STX18: variants seen among roughly 807,000 people sequenced by gnomAD.
STX18 encodes syntaxin 18.
Under a neutral mutation model 50.1 loss-of-function variants are expected in STX18, and 40 were observed. That is an observed-to-expected ratio of 0.80 (90% CI 0.62 to 1.04). The LOEUF (loss-of-function observed/expected upper bound fraction) is 1.04. Ranked by LOEUF, STX18 falls within the 50% of genes least tolerant of loss-of-function variation. STX18 has a pLI of 0.00. For synonymous variants in STX18, 158 were observed against 151.8 expected, an observed-to-expected ratio of 1.04 and a Z score of -0.30; for missense variants, 410 against 415.8, an observed-to-expected ratio of 0.99 and a Z score of 0.12.
At chr4:4,534,722 A>C (rs952357717) in intron 1 of STX18, among the ~76,000 whole-genome samples, 2 of 152,268 alleles carry the variant, frequency 1.3e-5, no homozygotes, top group African/African-American at 2.4e-5. Flanking sequence ...CAACGCTCTC[A>C]TCTAAGAGTT....
At chr4:4,500,416 A>G (rs1328827695) in intron 1 of STX18, among the ~76,000 whole-genome samples, 2 of 152,186 alleles carry the variant, frequency 1.3e-5, no homozygotes, top group African/African-American at 2.4e-5. Flanking sequence ...AAAACAGTAT[A>G]ACAACTATTT....
chr4:4,464,014 G>T (rs900580860), intron 2 of STX18, among the ~76,000 whole-genome samples: 5 of 151,824 alleles, frequency 3.3e-5, no homozygotes, highest in African/African-American at 9.7e-5. Context: ...TTCCATTTTT[G>T]CATATATTGA....
intron 1 of STX18, among the ~76,000 whole-genome samples, chr4:4,535,536 TA>T (rs1157585506): frequency 1.3e-5 from 2 of 152,154 alleles, no homozygotes; most frequent in Non-Finnish European, 2.9e-5. Context: ...GGTTGGTTCC[TA>T]GGGGTTCCTC....
intron 1 of STX18, among the ~76,000 whole-genome samples, chr4:4,522,386 T>A (rs1730548062): frequency 6.6e-6 from 1 of 152,204 alleles, no homozygotes; most frequent in African/African-American, 2.4e-5. Flanking sequence ...AAATCAGATT[T>A]AAGCTTCGTG....
intron 1 of STX18, among the ~76,000 whole-genome samples, chr4:4,490,222 C>T (rs1321214025): frequency 2.0e-5 from 3 of 152,170 alleles, no homozygotes; most frequent in Non-Finnish European, 4.4e-5. Context: ...GAAAGCTCTA[C>T]AGCATTAGTC....
intron 1 of STX18, among the ~76,000 whole-genome samples, chr4:4,505,442 T>C (rs1729655722): frequency 6.6e-6 from 1 of 152,070 alleles, no homozygotes; most frequent in Admixed American, 6.5e-5. Flanking sequence ...AGAGGGAGTG[T>C]CATACCGCAC....
intron 1 of STX18, among the ~76,000 whole-genome samples, chr4:4,539,649 A>G (rs572567336): frequency 5.9e-5 from 9 of 152,346 alleles, no homozygotes; most frequent in African/African-American, 2.2e-4. Context: ...TGCAAGTTGC[A>G]TTGTCATGCG....
At chr4:4,515,327 A>G (rs1730201463) in intron 1 of STX18, among the ~76,000 whole-genome samples, 1 of 152,178 alleles carries the variant, frequency 6.6e-6, no homozygotes, top group South Asian at 2.1e-4. Flanking sequence ...AATAATGGAA[A>G]AAAAGAACTT....
intron 2 of STX18, among the ~76,000 whole-genome samples, chr4:4,467,258 G>A (rs1337218590): frequency 2.0e-5 from 3 of 152,134 alleles, no homozygotes; most frequent in African/African-American, 7.2e-5. Flanking sequence ...AGCAAGAAGG[G>A]CGTTTGTTTC....
At chr4:4,515,883 G>C (rs1379745870) in intron 1 of STX18, among the ~76,000 whole-genome samples, 2 of 151,992 alleles carry the variant, frequency 1.3e-5, no homozygotes, top group Non-Finnish European at 2.9e-5. Context: ...TGATTTGCAG[G>C]CAAGAGTAAG....
In STX18 at chr4:4,540,048, AC is replaced by A. The variant is rs574477319; in HGVS notation, c.168+1748del. ...GAATCTCAAGAAGTGCTTGGGCCAA[AC>A]TGGGAGGGAGAGTGTCCTGTTTCTC... On this transcript the variant is annotated intron_variant, in intron 1 of 10. Transcript: ENST00000306200. Among the ~76,000 whole-genome samples the A allele has an allele frequency of 7.9e-5, 12 of 152,300 alleles. No individual in the cohort carries two copies. In the East Asian group the frequency reaches 1.5e-3, roughly 20 times the overall value.
At chr4:4,446,565 A>G (rs1480926880) in intron 5 of STX18, among the ~76,000 whole-genome samples, 1 of 152,228 alleles carries the variant, frequency 6.6e-6, no homozygotes, top group South Asian at 2.1e-4. Context: ...GTGATTAACA[A>G]TATTAGTCAG....
intron 7 of STX18, among the ~76,000 whole-genome samples, chr4:4,434,099 G>A (rs11728774): frequency 0.16 from 23,641 of 152,204 alleles, 1,893 homozygotes; most frequent in African/African-American, 0.17. Context: ...CACTGGAGGC[G>A]TGCCGTGTGG....
chr4:4,424,844 G>A (rs1363180252), intron 8 of STX18, among the ~76,000 whole-genome samples: 3 of 152,132 alleles, frequency 2.0e-5, no homozygotes, highest in Non-Finnish European at 2.9e-5. Context: ...TCATTTCAGA[G>A]TCGCTGCGTG....
chr4:4,498,300 T>C (rs1357373163), intron 1 of STX18, among the ~76,000 whole-genome samples: 10 of 152,296 alleles, frequency 6.6e-5, no homozygotes, highest in Middle Eastern at 3.4e-3. Context: ...GTGACTTTTC[T>C]TCGCAAAATA....
intron 8 of STX18, among the ~76,000 whole-genome samples, chr4:4,424,244 A>C (rs1725124508): frequency 6.6e-6 from 1 of 152,136 alleles, no homozygotes; most frequent in South Asian, 2.1e-4. Context: ...TTAGAAACAG[A>C]AGCTGGCCCA....
chr4:4,423,124 C>T (rs1401804041), intron 9 of STX18, among the ~76,000 whole-genome samples: 3 of 152,374 alleles, frequency 2.0e-5, no homozygotes, highest in African/African-American at 7.2e-5. Flanking sequence ...GATGCTTCTG[C>T]AGTTATCTCT....
At chr4:4,502,650 C>A (rs138045131) in intron 1 of STX18, among the ~76,000 whole-genome samples, 3 of 152,254 alleles carry the variant, frequency 2.0e-5, no homozygotes, top group Non-Finnish European at 4.4e-5. Context: ...ATACACAGCT[C>A]TTTGCCCTGT....
At position 4,523,929 on chromosome 4, in the gene STX18, T is replaced by G. The variant is rs78575416; in HGVS notation, c.168+17868A>C. Among the ~76,000 whole-genome samples, 1,413 of 152,308 alleles carry G rather than the reference T, an allele frequency of 9.3e-3. 24 individuals are homozygous for G. The highest frequency in any genetic ancestry group is 0.032 in the African/African-American group (1,339 of 41,564). ...AACTCAAAACTCACCTCTCCTGTTATGCCCTCTCCCTTTAACCCCTCCCAC... is the reference window on the plus strand; with the variant it reads ...AACTCAAAACTCACCTCTCCTGTTAGGCCCTCTCCCTTTAACCCCTCCCAC... On this transcript the variant is annotated intron_variant, in intron 1 of 10. Transcript: ENST00000306200.
Sources: gnomAD v4.1 joint callset for allele counts (sites outside exome capture counted in the v4.1 genomes callset) on GRCh38, gnomAD v4.1.1 for gene constraint, MANE v1.5 for transcripts, NCBI Gene and HGNC (gene_info 2026-07-23, HGNC 2026-07-21) for gene names.